Variants in ST7 observed in about 807,000 individuals in gnomAD.
ST7 encodes the protein suppression of tumorigenicity 7.
In ST7, 28 loss-of-function variants were observed where a neutral mutation model predicts 78.7. The ratio of observed to expected loss-of-function variants is 0.36; its 90% CI spans 0.26 to 0.49. The LOEUF (loss-of-function observed/expected upper bound fraction) is 0.49. Ranked by LOEUF, ST7 falls within the 20% of genes least tolerant of loss-of-function variation. The pLI is 0.99. For missense variants in ST7, 418 were observed against 696.0 expected (o/e 0.60, Z 4.49); for synonymous variants, 247 against 249.6 (o/e 0.99, Z 0.10).
chr7:117,220,431 C>T (rs537481420), intron 14 of ST7, among the ~76,000 whole-genome samples: 1 of 152,324 alleles, frequency 6.6e-6, no homozygotes, highest in Admixed American at 6.5e-5. Flanking sequence ...TCAACTCCCC[C>T]TTCAGGGAGA....
chr7:117,072,167 T>C (rs144908645), intron 1 of ST7: 45 of 152,342 alleles, frequency 3.0e-4, no homozygotes, highest in African/African-American at 1.1e-3. Flanking sequence ...AGGGATTGGA[T>C]GTGGGAAGAA....
chr7:117,221,821 C>T (rs1405983741), intron 14 of ST7, 102 bp from the exon 15 acceptor site: 2 of 1,327,892 alleles, frequency 1.5e-6, no homozygotes, highest in Admixed American at 5.3e-5. Flanking sequence ...CCATAGGCTT[C>T]CAACTCTTTC....
chr7:117,019,095 G>T (rs559961499), intron 1 of ST7, among the ~76,000 whole-genome samples: 6 of 152,268 alleles, frequency 3.9e-5, no homozygotes, highest in African/African-American at 9.6e-5. Context: ...ACTGTATTGA[G>T]ATCAAGACAT....
At chr7:117,057,204 T>C (rs1173811277) in intron 1 of ST7, among the ~76,000 whole-genome samples, 4 of 152,248 alleles carry the variant, frequency 2.6e-5, no homozygotes, top group Non-Finnish European at 5.9e-5. Context: ...TTTCATTACC[T>C]AATTTATGTC....
chr7:117,063,022 G>A (rs1215822313), intron 1 of ST7, among the ~76,000 whole-genome samples: 3 of 152,174 alleles, frequency 2.0e-5, no homozygotes, highest in Admixed American at 2.0e-4. Flanking sequence ...CTTTGCAGAT[G>A]CTCTCATTAA....
chr7:117,091,775 ATC>A (rs1800636649), intron 1 of ST7, among the ~76,000 whole-genome samples: 1 of 152,128 alleles, frequency 6.6e-6, no homozygotes, highest in Non-Finnish European at 1.5e-5. Flanking sequence ...CACACTTCTT[ATC>A]TCTCAGTTTC....
chr7:117,054,847 A>G (rs149533426), intron 1 of ST7, among the ~76,000 whole-genome samples: 186 of 152,328 alleles, frequency 1.2e-3, no homozygotes, highest in South Asian at 9.7e-3. Flanking sequence ...CATCCATCTC[A>G]TGATATTTCT....
In ST7 at chr7:117,219,537, G is replaced by A. The variant is rs571637116; in HGVS notation, c.1498+361G>A. ...CAGCTGGACAGATGTGGTCTGCACC[G>A]ACCGGAGTTTGAAGAGGAGCTGCTG... On this transcript the variant is annotated intron_variant, in intron 14 of 15. Transcript: ENST00000323984. The surrounding 1 kb of genome is among the most constrained non-coding windows in gnomAD (Gnocchi z 5.1). Among the ~76,000 whole-genome samples the A allele has an allele frequency of 2.6e-5, 4 of 152,290 alleles. No homozygotes were observed. Among genetic ancestry groups the A allele is most frequent in the Non-Finnish European group, 5.9e-5 (4 of 68,030 alleles).
intron 1 of ST7, chr7:116,957,229 A>T (rs1270035130): frequency 6.5e-6 from 1 of 153,174 alleles, no homozygotes; most frequent in Non-Finnish European, 1.5e-5. Context: ...AGAATTCCAC[A>T]GTATTCTCTT....
chr7:117,090,670 C>T (rs1800542625), intron 1 of ST7: 1 of 166,144 alleles, frequency 6.0e-6, no homozygotes, highest in African/African-American at 2.4e-5. Flanking sequence ...AAATAGTCTT[C>T]AATCATAAAT....
At chr7:117,049,657 A>G (rs986096975) in intron 1 of ST7, among the ~76,000 whole-genome samples, 2 of 152,242 alleles carry the variant, frequency 1.3e-5, no homozygotes, top group Non-Finnish European at 2.9e-5. Flanking sequence ...GTCTGCTGGC[A>G]TAGCTGTAGT....
intron 9 of ST7, among the ~76,000 whole-genome samples, chr7:117,169,004 G>A (rs2117257027): frequency 6.6e-6 from 1 of 152,184 alleles, no homozygotes; most frequent in Non-Finnish European, 1.5e-5. Flanking sequence ...GATTAGAGGA[G>A]AATATATCTG....
intron 1 of ST7, among the ~76,000 whole-genome samples, chr7:117,092,864 G>A (rs544107627): frequency 6.6e-6 from 1 of 152,324 alleles, no homozygotes; most frequent in South Asian, 2.1e-4. Flanking sequence ...CTTCGGGCCT[G>A]GAAGGTACTG....
chr7:117,036,442 G>A (rs908315554), intron 1 of ST7, among the ~76,000 whole-genome samples: 4 of 152,178 alleles, frequency 2.6e-5, no homozygotes, highest in East Asian at 1.9e-4. Flanking sequence ...GTCAGGAAAC[G>A]ACTGAATATT....
intron 1 of ST7, among the ~76,000 whole-genome samples, chr7:117,017,653 G>A (rs1368875350): frequency 1.3e-5 from 2 of 152,000 alleles, no homozygotes; most frequent in African/African-American, 2.4e-5. Context: ...GTTAGTAAGG[G>A]ATATCAGATC....
intron 1 of ST7, among the ~76,000 whole-genome samples, chr7:117,017,105 T>C (rs1275834002): frequency 6.6e-6 from 1 of 152,190 alleles, no homozygotes; most frequent in African/African-American, 2.4e-5. Context: ...TTTTTTCAGG[T>C]CTTGTTGAAA....
chr7:117,024,392 G>T (rs1051290699), intron 1 of ST7, among the ~76,000 whole-genome samples: 2 of 152,038 alleles, frequency 1.3e-5, no homozygotes, highest in East Asian at 3.9e-4. Flanking sequence ...TCCTCCTCTT[G>T]TCTCCTCTCC....
chr7:117,120,960 A>G (rs748156219), intron 3 of ST7, among the ~76,000 whole-genome samples: 6 of 152,200 alleles, frequency 3.9e-5, no homozygotes, highest in Non-Finnish European at 5.9e-5. Context: ...AAATGATATC[A>G]AGAGATTTAG....
chr7:117,101,323 G>A (rs1479219014), intron 2 of ST7, among the ~76,000 whole-genome samples: 2 of 152,164 alleles, frequency 1.3e-5, no homozygotes, highest in Admixed American at 1.3e-4. Flanking sequence ...GTGAGCCTGA[G>A]CATGTACCTA....
Sources: gnomAD v4.1 joint callset for allele counts (sites outside exome capture counted in the v4.1 genomes callset) on GRCh38, gnomAD v4.1.1 for gene constraint, Gnocchi (gnomAD v3.1) non-coding constraint, MANE v1.5 for transcripts, NCBI Gene and HGNC (gene_info 2026-07-23, HGNC 2026-07-21) for gene names.